The following GRM1 variants were observed in gnomAD, a reference collection of about 807,000 sequenced individuals.
GRM1 encodes the protein glutamate metabotropic receptor 1, also known as metabotropic glutamate receptor 1.
In GRM1, 33 loss-of-function variants were observed where a neutral mutation model predicts 90.9. The observed-to-expected ratio is 0.36, with a 90% CI of 0.28 to 0.49. The LOEUF (loss-of-function observed/expected upper bound fraction) is 0.49, where lower values mean the gene tolerates loss of function less well. Ranked by LOEUF, GRM1 falls within the 20% of genes least tolerant of loss-of-function variation. GRM1 has a pLI of 0.99. For synonymous variants in GRM1, 700 were observed against 613.2 expected (o/e 1.14, Z -2.09); for missense variants, 1,190 against 1,534.3 (o/e 0.78, Z 3.75).
In GRM1 at chr6:146,104,667, C is replaced by A. The variant is rs146879817; in HGVS notation, c.701-54681C>A. ...GCAAAGGTCAACACTGTTACATGCT[C>A]TAGAGATGTTCAGCAGGTTGAGAAC... is the stretch of plus-strand genomic sequence containing the variant. On this transcript the variant is annotated intron_variant, in intron 1 of 7. Transcript: ENST00000282753. 1.0e-2 allele frequency among the ~76,000 whole-genome samples: 1,518 copies of A among 152,270 alleles called. 22 individuals are homozygous for A. Among genetic ancestry groups the A allele is most frequent in the African/African-American group, 0.035 (1,459 of 41,540 alleles).
At chr6:146,342,338 A>G (rs942371366) in intron 3 of GRM1, among the ~76,000 whole-genome samples, 2 of 152,248 alleles carry the variant, frequency 1.3e-5, no homozygotes, top group Non-Finnish European at 2.9e-5. Context: ...GTCTCTTTAT[A>G]GATTATATAT....
intron 2 of GRM1, among the ~76,000 whole-genome samples, chr6:146,234,638 A>C (rs1424773214): frequency 6.6e-6 from 1 of 152,128 alleles, no homozygotes; most frequent in Non-Finnish European, 1.5e-5. Context: ...TTTCTCATAA[A>C]TTTCTTCTGA....
At chr6:146,279,543 A>T (rs1168051974) in intron 2 of GRM1, among the ~76,000 whole-genome samples, 1 of 152,106 alleles carries the variant, frequency 6.6e-6, no homozygotes, top group Non-Finnish European at 1.5e-5. Flanking sequence ...TTTTCTATTT[A>T]CCTTTGACAT....
Position 146,369,075 on chromosome 6 carries a change from AG to A in GRM1, c.1602+11383del, listed in dbSNP as rs528227422. Among the ~76,000 whole-genome samples the A allele has an allele frequency of 6.1e-3, 932 of 152,030 alleles. 7 individuals carry two copies. The highest frequency in any genetic ancestry group is 0.014 in the Middle Eastern group (4 of 294). ...CATTTCTTTATGGTTCAATCTCAGT[AG>A]GTTATATGTATTCAGGAAATTATCC... On this transcript the variant is annotated intron_variant, in intron 5 of 7. Transcript: ENST00000282753.
At chr6:146,074,378 C>T (rs1279504599) in intron 1 of GRM1, among the ~76,000 whole-genome samples, 8 of 152,070 alleles carry the variant, frequency 5.3e-5, no homozygotes, top group African/African-American at 1.7e-4. Flanking sequence ...GTGTGACTTC[C>T]GTGCTCCCTT....
At chr6:146,136,009 A>G (rs1337010847) in intron 1 of GRM1, among the ~76,000 whole-genome samples, 1 of 152,086 alleles carries the variant, frequency 6.6e-6, no homozygotes, top group Non-Finnish European at 1.5e-5. Context: ...TTTAGCTTTC[A>G]CAAATAAGTG....
At chr6:146,218,407 AG>A (rs1314859022) in intron 2 of GRM1, among the ~76,000 whole-genome samples, 45 of 152,342 alleles carry the variant, frequency 3.0e-4, no homozygotes, top group African/African-American at 9.6e-4. Context: ...ACAGATACAA[AG>A]TACAACTTTT....
At chr6:146,227,319 T>C (rs2114693478) in intron 2 of GRM1, among the ~76,000 whole-genome samples, 1 of 152,208 alleles carries the variant, frequency 6.6e-6, no homozygotes, top group African/African-American at 2.4e-5. Context: ...TGAACCTACA[T>C]TGACACATCA....
In GRM1 at chr6:146,212,877, TA is replaced by T. The variant is rs541424342; in HGVS notation, c.950+53281del. Among the ~76,000 whole-genome samples the T allele has an allele frequency of 1.7e-3, 262 of 152,202 alleles. 1 individual carries two copies. The highest frequency in any genetic ancestry group is 6.0e-3 in the African/African-American group (247 of 41,432). Reference sequence around the variant, plus strand: ...TGTGTACTCATTTGTTAAATTGTTCTATTTTTAGTATAATAATTATTTCTAA... The same window carrying T: ...TGTGTACTCATTTGTTAAATTGTTCTTTTTTAGTATAATAATTATTTCTAA... On this transcript the variant is annotated intron_variant, in intron 2 of 7. Coordinates refer to ENST00000282753, the MANE Select transcript of GRM1 (RefSeq NM_001278064.2).
At chr6:146,287,740 A>T (rs558693066) in intron 2 of GRM1, among the ~76,000 whole-genome samples, 37 of 152,288 alleles carry the variant, frequency 2.4e-4, no homozygotes, top group African/African-American at 8.9e-4. Flanking sequence ...ATAGAAGAAG[A>T]GGTCAGAGTT....
rs1854902 is a variant in GRM1, at chr6:146,110,357, G to A, written c.701-48991G>A. On this transcript the variant is annotated intron_variant, in intron 1 of 7. Coordinates refer to ENST00000282753, the MANE Select transcript of GRM1 (RefSeq NM_001278064.2). ...GGATCTCATAGTTTTAAAAATGGGA[G>A]TCTCCCTGCACAAGCTCTCTTCTCT... Among the ~76,000 whole-genome samples the A allele has an allele frequency of 3.9e-3, 599 of 152,204 alleles. 17 individuals carry two copies. In the East Asian group the frequency reaches 0.069, roughly 18 times the overall value.
chr6:146,189,859 A>G (rs1404998283), intron 2 of GRM1, among the ~76,000 whole-genome samples: 1 of 152,200 alleles, frequency 6.6e-6, no homozygotes, highest in African/African-American at 2.4e-5. Context: ...TAATTCATGG[A>G]TATATTTTAA....
intron 2 of GRM1, among the ~76,000 whole-genome samples, chr6:146,185,201 C>T (rs750824082): frequency 2.0e-5 from 3 of 152,170 alleles, no homozygotes; most frequent in Admixed American, 6.5e-5. Flanking sequence ...GATCTGAACA[C>T]ATATGAATTA....
At chr6:146,356,107 A>C (rs558487464) in intron 4 of GRM1, among the ~76,000 whole-genome samples, 67 of 152,314 alleles carry the variant, frequency 4.4e-4, no homozygotes, top group Admixed American at 7.2e-4. Context: ...ACTGAGATAT[A>C]AATGGTTATG....
intron 1 of GRM1, among the ~76,000 whole-genome samples, chr6:146,040,791 G>A (rs2128840756): frequency 6.6e-6 from 1 of 152,004 alleles, no homozygotes; most frequent in African/African-American, 2.4e-5. Context: ...ATTTTCTCTA[G>A]GGTTGGGGAG....
At chr6:146,161,509 A>C (rs1014307541) in intron 2 of GRM1, among the ~76,000 whole-genome samples, 2 of 152,184 alleles carry the variant, frequency 1.3e-5, no homozygotes, top group African/African-American at 2.4e-5. Flanking sequence ...GTCTATGAAC[A>C]GGTCAGCTAC....
intron 4 of GRM1, among the ~76,000 whole-genome samples, chr6:146,356,761 G>A (rs185155901): frequency 6.6e-5 from 10 of 152,190 alleles, no homozygotes; most frequent in African/African-American, 1.4e-4. Flanking sequence ...TAGATCTTGC[G>A]TTCTTTAGAT....
At chr6:146,142,477 T>C (rs554307603) in intron 1 of GRM1, among the ~76,000 whole-genome samples, 1 of 152,218 alleles carries the variant, frequency 6.6e-6, no homozygotes, top group Non-Finnish European at 1.5e-5. Flanking sequence ...GTCCTTCCCT[T>C]CAGGGTGATG....
In GRM1 at chr6:146,214,965, C is replaced by A. The variant is rs142174734; in HGVS notation, c.950+55368C>A. On this transcript the variant is annotated intron_variant, in intron 2 of 7. Transcript: ENST00000282753. ...AGCAGACAGAGGGCTTGTGATCTAC[C>A]TTGCTCTGAAAGGATATTCTTACTC... 1.3e-3 allele frequency among the ~76,000 whole-genome samples: 193 copies of A among 152,270 alleles called. 1 individual carries two copies. Among genetic ancestry groups the A allele is most frequent in the African/African-American group, 4.4e-3 (184 of 41,550 alleles).
Sources: gnomAD v4.1 joint callset for allele counts (sites outside exome capture counted in the v4.1 genomes callset) on GRCh38, gnomAD v4.1.1 for gene constraint, MANE v1.5 for transcripts, NCBI Gene and HGNC (gene_info 2026-07-23, HGNC 2026-07-21) for gene names.